NEB: variants seen among roughly 807,000 people sequenced by gnomAD.
NEB encodes the protein nemaline myopathy type 2.
NEB carries 512 observed loss-of-function variants against 952.2 expected under a neutral mutation model. That is an observed-to-expected ratio of 0.54 (90% CI 0.50 to 0.58). NEB has a LOEUF of 0.58. Among genes scored for constraint, NEB ranks in the 20% least tolerant of loss-of-function variants. NEB has a pLI of 0.00. For missense variants in NEB, 8,428 were observed against 9,231.1 expected, an observed-to-expected ratio of 0.91 and a Z score of 3.56; for synonymous variants, 2,900 against 3,149.8, an observed-to-expected ratio of 0.92 and a Z score of 2.66.
At chr2:151,612,597 C>A (rs1303769695) in intron 77 of NEB, among the ~76,000 whole-genome samples, 2 of 152,142 alleles carry the variant, frequency 1.3e-5, no homozygotes, top group Non-Finnish European at 2.9e-5. Context: ...GTTTTAAAGA[C>A]TCATAAAAAT....
In NEB at chr2:151,570,516, G is replaced by A. The variant is rs1452814930; in HGVS notation, c.17099C>T (p.Ser5700Phe). The A allele has an allele frequency of 5.6e-6, 9 of 1,611,330 alleles. No individual in the cohort carries two copies. The highest frequency in any genetic ancestry group is 7.6e-6 in the Non-Finnish European group (9 of 1,179,016). The change falls in exon 108 of 182, where the codon TCC becomes TTC. Residue 5700 changes from serine to phenylalanine, a missense_variant. Around this residue, in one of 11 missense-constraint regions of NEB, gnomAD observed 3,374 missense variants for 3,651.5 expected, o/e 0.92. Transcript: ENST00000397345. Reference sequence around the variant, plus strand: ...ACTCACGTCACTGGCAATCTCCCTGGAGGCCTTGGCAGCCTGGATGGGGAT... The same window carrying A: ...ACTCACGTCACTGGCAATCTCCCTGAAGGCCTTGGCAGCCTGGATGGGGAT... Reference protein sequence around the residue: ...DAIPIQAAKASREIASDYKYK... With the variant: ...DAIPIQAAKAFREIASDYKYK...
intron 35 of NEB, 104 bp downstream of exon 35, chr2:151,675,183 T>C (rs2099349859): frequency 1.2e-6 from 1 of 826,576 alleles, no homozygotes; most frequent in Non-Finnish European, 2.0e-6. Flanking sequence ...AGGGGATTTG[T>C]GAGAAATGGG....
chr2:151,625,771 A>G, intron 70 of NEB, 133 bp from the exon 71 acceptor site: 1 of 510,420 alleles, frequency 2.0e-6, no homozygotes, highest in Non-Finnish European at 3.4e-6. Context: ...TATTCTTTTC[A>G]ACCTCTTTGA....
intron 36 of NEB, among the ~76,000 whole-genome samples, chr2:151,673,710 C>A (rs2099327637): frequency 6.8e-6 from 1 of 147,972 alleles, no homozygotes; most frequent in African/African-American, 2.5e-5. Flanking sequence ...GGCATGCATG[C>A]TTTCTAAAAA....
intron 75 of NEB, 121 bp downstream of exon 75, chr2:151,617,243 T>C: frequency 1.7e-6 from 1 of 601,244 alleles, no homozygotes; most frequent in Non-Finnish European, 2.8e-6. Flanking sequence ...AACTATCTCT[T>C]CTACTGAAAA....
intron 52 of NEB, among the ~76,000 whole-genome samples, chr2:151,651,215 T>C (rs2099025291): frequency 6.6e-6 from 1 of 152,256 alleles, no homozygotes; most frequent in Non-Finnish European, 1.5e-5. Flanking sequence ...TGAAGAAATC[T>C]AATGTAATTG....
At chr2:151,572,442 ATTTC>A (rs771042358) in intron 107 of NEB, among the ~76,000 whole-genome samples, 32 of 148,224 alleles carry the variant, frequency 2.2e-4, no homozygotes, top group Non-Finnish European at 3.9e-4. Flanking sequence ...TTTTCACACT[ATTTC>A]TTATGTAATG....
chr2:151,631,375 T>G (rs2098663516), intron 65 of NEB, 29 bp from the exon 66 acceptor site: 3 of 1,591,950 alleles, frequency 1.9e-6, no homozygotes, highest in Non-Finnish European at 2.6e-6. Context: ...TCAAAAACTC[T>G]TCATCAAGAC....
intron 66 of NEB, 63 bp downstream of exon 66, chr2:151,631,080 A>C: frequency 6.3e-7 from 1 of 1,581,088 alleles, no homozygotes; most frequent in South Asian, 1.1e-5. Context: ...AGACTCCATT[A>C]GTCATTAAAG....
rs187721334 is a variant in NEB, at chr2:151,647,362, G to A, written c.7432-1128C>T. Among the ~76,000 whole-genome samples the A allele has an allele frequency of 1.3e-3, 201 of 149,608 alleles. 1 individual carries two copies. Among genetic ancestry groups the A allele is most frequent in the South Asian group, 0.013 (62 of 4,706 alleles). ...TGATCGCAGGTGATCCACCTGCCTC[G>A]GCCTCCCAAAGTGCTGGGATTACAG... is the stretch of plus-strand genomic sequence containing the variant. On this transcript the variant is annotated intron_variant, in intron 54 of 181. Transcript: ENST00000397345.
At chr2:151,620,567 G>A (rs1052729823) in intron 72 of NEB, among the ~76,000 whole-genome samples, 1 of 151,750 alleles carries the variant, frequency 6.6e-6, no homozygotes, top group African/African-American at 2.4e-5. Context: ...TTCAAGTGAT[G>A]GGGCAAACTC....
rs1270746653 is a variant in NEB, at chr2:151,503,364, T to G, written c.23820A>C (p.Gln7940His). ...TPEIERVKRN[Q>H]ENFSSVLYKE... Reference sequence around the variant, plus strand: ...TTGTAAATACCGAGCTAAAGTTCTCTTGATTGCGTTTGACTCTCTCAATCT... The same window carrying G: ...TTGTAAATACCGAGCTAAAGTTCTCGTGATTGCGTTTGACTCTCTCAATCT... Residue 7940 changes from glutamine to histidine, a missense_variant, in exon 166 of 182, where the codon CAA (glutamine) becomes CAC (histidine). Coordinates refer to ENST00000397345, the MANE Select transcript of NEB (RefSeq NM_001164508.2). 10 of 1,611,118 alleles carry G rather than the reference T, an allele frequency of 6.2e-6. No homozygotes were observed. Among genetic ancestry groups the G allele is most frequent in the Non-Finnish European group, 7.6e-6 (9 of 1,177,754 alleles).
At chr2:151,728,152 A>T (rs893747058) in intron 4 of NEB, among the ~76,000 whole-genome samples, 4 of 152,224 alleles carry the variant, frequency 2.6e-5, no homozygotes, top group Non-Finnish European at 5.9e-5. Context: ...ACTTTGCAAC[A>T]TTGCCTTAAG....
chr2:151,689,805 G>A (rs192888796), intron 24 of NEB: 193 of 152,218 alleles, frequency 1.3e-3, no homozygotes, highest in African/African-American at 4.6e-3. Context: ...TCTTTATTGG[G>A]ACACAAAATA....
At chr2:151,614,710 A>G (rs1399565573) in intron 76 of NEB, 123 bp from the exon 77 acceptor site, 9 of 1,170,250 alleles carry the variant, frequency 7.7e-6, no homozygotes, top group South Asian at 1.6e-5. Context: ...AAAAGTGAGT[A>G]TCATCAACCC....
chr2:151,546,969 C>T (rs1229209878), intron 133 of NEB, among the ~76,000 whole-genome samples: 1 of 152,032 alleles, frequency 6.6e-6, no homozygotes, highest in Non-Finnish European at 1.5e-5. Flanking sequence ...TATTTTATTA[C>T]TATAACATTG....
intron 108 of NEB, 46 bp from the exon 109 acceptor site, chr2:151,570,438 G>A: frequency 6.3e-7 from 1 of 1,583,514 alleles, no homozygotes; most frequent in Non-Finnish European, 8.6e-7. Flanking sequence ...ATGTCCTCTT[G>A]ATGCACCTAG....
chr2:151,610,831 G>A lies in NEB; in HGVS notation c.11841C>T (p.Thr3947=). The change falls in exon 79 of 182, where the codon ACC becomes ACT. Residue 3947 remains threonine (T), a synonymous_variant. Transcript: ENST00000397345. ...LYTEAWDADK[T]SIHVMPDTPD... is the part of the protein sequence containing the mutation. ...GGGTGTCTGGCATCACGTGGATGGA[G>A]GTTTTGTCAGCATCCCAAGCTTCTG... The A allele has an allele frequency of 6.2e-7, 1 of 1,602,588 alleles. No individual in the cohort carries two copies. The highest frequency in any genetic ancestry group is 8.5e-7 in the Non-Finnish European group (1 of 1,174,054).
intron 155 of NEB, 92 bp from the exon 156 acceptor site, chr2:151,518,514 A>G (rs1025268885): frequency 2.3e-5 from 18 of 778,928 alleles, no homozygotes; most frequent in African/African-American, 1.4e-4. Flanking sequence ...ACACAGCACC[A>G]TTGTCAAGAT....
Sources: gnomAD v4.1 joint callset for allele counts (sites outside exome capture counted in the v4.1 genomes callset) on GRCh38, gnomAD v4.1.1 for gene constraint, gnomAD v4.1.1 regional missense constraint, MANE v1.5 for transcripts, NCBI Gene and HGNC (gene_info 2026-07-23, HGNC 2026-07-21) for gene names.